SHISA9: variants seen among roughly 807,000 people sequenced by gnomAD.
The protein encoded by SHISA9 is shisa family member 9.
In SHISA9, 13 loss-of-function variants were observed where a neutral mutation model predicts 38.0. The observed-to-expected ratio is 0.34, with a 90% confidence interval of 0.22 to 0.54. The LOEUF is 0.54. SHISA9 is among the 20% of genes least tolerant of loss of function. SHISA9 has a pLI of 0.91. For synonymous variants in SHISA9, 275 were observed against 242.0 expected (o/e 1.14, Z -1.27); for missense variants, 538 against 575.8 (o/e 0.93, Z 0.67).
intron 2 of SHISA9, among the ~76,000 whole-genome samples, chr16:12,953,986 A>G (rs1177880945): frequency 6.6e-6 from 1 of 152,224 alleles, no homozygotes; most frequent in Non-Finnish European, 1.5e-5. Flanking sequence ...ACCTCCAACC[A>G]GGTCCCTGCC....
chr16:13,050,318 T>TTA (rs1567195385), intron 2 of SHISA9, among the ~76,000 whole-genome samples: 2 of 152,048 alleles, frequency 1.3e-5, no homozygotes, highest in Non-Finnish European at 2.9e-5. Flanking sequence ...GTTCACAGTT[T>TTA]TATATATATA....
chr16:13,176,705 T>C (rs1260556336), intron 2 of SHISA9, among the ~76,000 whole-genome samples: 3 of 152,146 alleles, frequency 2.0e-5, no homozygotes, highest in Non-Finnish European at 2.9e-5. Flanking sequence ...CTGTTTTTTT[T>C]TTCCCCAAGA....
the SHISA9 span, among the ~76,000 whole-genome samples, chr16:13,408,351 T>C: frequency 2.0e-4 from 31 of 152,168 alleles, no homozygotes; most frequent in African/African-American, 7.2e-4. Context: ...TAAAAGCTGA[T>C]AAATGCCAAA....
chr16:13,323,978 T>C, the SHISA9 span, among the ~76,000 whole-genome samples: 1 of 152,190 alleles, frequency 6.6e-6, no homozygotes, highest in African/African-American at 2.4e-5. Flanking sequence ...GAGGCTGTCC[T>C]TGTGGTCATG....
intron 4 of SHISA9, among the ~76,000 whole-genome samples, chr16:13,227,667 T>G (rs1367651754): frequency 6.6e-6 from 1 of 152,224 alleles, no homozygotes; most frequent in Admixed American, 6.5e-5. Flanking sequence ...AATCTTGAAC[T>G]TTCCTCTAAA....
intron 1 of SHISA9, among the ~76,000 whole-genome samples, chr16:12,905,918 C>T (rs34675851): frequency 0.29 from 44,308 of 152,134 alleles, 6,761 homozygotes; most frequent in South Asian, 0.49. Context: ...TATTCTGTTG[C>T]TTGTTTCTCA....
the SHISA9 span, among the ~76,000 whole-genome samples, chr16:13,304,521 G>C: frequency 1.3e-5 from 2 of 152,202 alleles, no homozygotes; most frequent in African/African-American, 2.4e-5. Context: ...GCCTCCTAAA[G>C]TGTTGAGATT....
chr16:13,268,340 A>C, the SHISA9 span, among the ~76,000 whole-genome samples: 1 of 152,116 alleles, frequency 6.6e-6, no homozygotes, highest in African/African-American at 2.4e-5. Flanking sequence ...TGAAACCCTG[A>C]CTTTCCAAAA....
chr16:13,517,229 C>T, the SHISA9 span, among the ~76,000 whole-genome samples: 1 of 152,246 alleles, frequency 6.6e-6, no homozygotes, highest in African/African-American at 2.4e-5. Context: ...TGCTGGTAAC[C>T]ATCGGAAGCT....
the SHISA9 span, among the ~76,000 whole-genome samples, chr16:13,505,244 G>T: frequency 6.6e-6 from 1 of 152,192 alleles, no homozygotes; most frequent in Non-Finnish European, 1.5e-5. Flanking sequence ...TTAAAGTCAA[G>T]TGGGCCTGGC....
At chr16:13,480,723 G>C in the SHISA9 span, among the ~76,000 whole-genome samples, 1 of 151,854 alleles carries the variant, frequency 6.6e-6, no homozygotes, top group Admixed American at 6.6e-5. Flanking sequence ...GGCAGCCAGA[G>C]ATAAGGGGCT....
the SHISA9 span, among the ~76,000 whole-genome samples, chr16:13,426,903 C>T: frequency 6.6e-6 from 1 of 152,200 alleles, no homozygotes; most frequent in Admixed American, 6.5e-5. Context: ...TAATTCTCTG[C>T]ATTAGTCAGG....
At chr16:13,260,557 C>T in the SHISA9 span, among the ~76,000 whole-genome samples, 1 of 152,174 alleles carries the variant, frequency 6.6e-6, no homozygotes, top group Non-Finnish European at 1.5e-5. Context: ...GTCACCTTTA[C>T]TCCAGTTCCC....
At chr16:13,420,112 G>T in the SHISA9 span, among the ~76,000 whole-genome samples, 3 of 151,888 alleles carry the variant, frequency 2.0e-5, no homozygotes, top group Non-Finnish European at 4.4e-5. Flanking sequence ...CAGGTGTGGT[G>T]GTGGGCACCT....
At chr16:13,504,484 C>T in the SHISA9 span, among the ~76,000 whole-genome samples, 1 of 152,114 alleles carries the variant, frequency 6.6e-6, no homozygotes, top group African/African-American at 2.4e-5. Flanking sequence ...CCATTAGTCA[C>T]ATTCAAAGTG....
chr16:13,531,923 A>G, the SHISA9 span, among the ~76,000 whole-genome samples: 4 of 152,232 alleles, frequency 2.6e-5, no homozygotes, highest in Non-Finnish European at 5.9e-5. Flanking sequence ...CCCATTTACC[A>G]GCTGCCTTCT....
chr16:13,394,823 C>A, the SHISA9 span, among the ~76,000 whole-genome samples: 1 of 152,084 alleles, frequency 6.6e-6, no homozygotes, highest in Admixed American at 6.5e-5. Flanking sequence ...CAATGCTTTG[C>A]TTTTTATACT....
chr16:13,345,847 A>G, the SHISA9 span, among the ~76,000 whole-genome samples: 1 of 152,182 alleles, frequency 6.6e-6, no homozygotes, highest in Non-Finnish European at 1.5e-5. Flanking sequence ...TTCTCTAATC[A>G]TCAGTGACAT....
At chr16:13,144,932 C>T (rs117879512) in intron 2 of SHISA9, among the ~76,000 whole-genome samples, 1,900 of 152,262 alleles carry the variant, frequency 0.012, 24 homozygotes, top group South Asian at 0.024. Context: ...GCAAAGTAAA[C>T]AATTATTTTT....
Sources: gnomAD v4.1 joint callset for allele counts (sites outside exome capture counted in the v4.1 genomes callset) on GRCh38, gnomAD v4.1.1 for gene constraint, MANE v1.5 for transcripts, NCBI Gene and HGNC (gene_info 2026-07-23, HGNC 2026-07-21) for gene names.